The following SLC25A17 variants were observed in gnomAD, a reference collection of about 807,000 sequenced individuals.
The protein encoded by SLC25A17 is peroxisomal membrane protein PMP34.
Under a neutral mutation model 38.5 loss-of-function variants are expected in SLC25A17, and 26 were observed. The ratio of observed to expected loss-of-function variants is 0.68; its 90% confidence interval spans 0.50 to 0.94. The LOEUF (loss-of-function observed/expected upper bound fraction) is 0.94. Among genes scored for constraint, SLC25A17 ranks in the 40% least tolerant of loss-of-function variants. The pLI is 0.00. For synonymous variants in SLC25A17, 139 were observed against 136.2 expected (o/e 1.02, Z -0.14); for missense variants, 333 against 372.7 (o/e 0.89, Z 0.88).
chr22:40,798,660 T>TAAAAAAAAA (rs10640211), intron 2 of SLC25A17, among the ~76,000 whole-genome samples: 3 of 74,378 alleles, frequency 4.0e-5, no homozygotes, highest in East Asian at 4.6e-4. Context: ...CACACATACA[T>TAAAAAAAAA]AAAAAAAAAA....
chr22:40,804,870 G>T (rs997644440), intron 1 of SLC25A17, among the ~76,000 whole-genome samples: 2 of 152,190 alleles, frequency 1.3e-5, no homozygotes, highest in Non-Finnish European at 2.9e-5. Flanking sequence ...AGCACTTTGG[G>T]AGGTCAAGGC....
At chr22:40,772,920 T>C (rs1039951237) in intron 8 of SLC25A17, among the ~76,000 whole-genome samples, 1 of 152,186 alleles carries the variant, frequency 6.6e-6, no homozygotes, top group African/African-American at 2.4e-5. Flanking sequence ...ATTACAGGCA[T>C]GAGCCACTTT....
chr22:40,773,363 T>C (rs1204019390), intron 8 of SLC25A17, among the ~76,000 whole-genome samples: 2 of 130,342 alleles, frequency 1.5e-5, no homozygotes, highest in East Asian at 2.2e-4. Context: ...TGAGCGGAGA[T>C]AGCGCCACTG....
chr22:40,797,616 G>A lies in SLC25A17; in HGVS notation c.115+1407C>T, dbSNP rs542517626. 1.2e-4 allele frequency among the ~76,000 whole-genome samples: 18 copies of A among 152,304 alleles called. 1 individual carries two copies. The South Asian group carries it at 3.5e-3, about 30-fold the overall frequency. Reference sequence around the variant, plus strand: ...TAGATTAGAAAATGGCTAAGGCTATGACTCATCCAGGAATGACTCTCTGTT... The same window carrying A: ...TAGATTAGAAAATGGCTAAGGCTATAACTCATCCAGGAATGACTCTCTGTT... On this transcript the variant is annotated intron_variant, in intron 2 of 8. Transcript: ENST00000435456.
At chr22:40,817,084 A>G (rs1203957386) in intron 1 of SLC25A17, 4 of 152,186 alleles carry the variant, frequency 2.6e-5, no homozygotes, top group Non-Finnish European at 5.9e-5. Flanking sequence ...CCATCTTCTC[A>G]CTTTCTTCTC....
intron 1 of SLC25A17, among the ~76,000 whole-genome samples, chr22:40,817,531 C>T (rs1242126099): frequency 6.6e-6 from 1 of 152,198 alleles, no homozygotes; most frequent in East Asian, 1.9e-4. Flanking sequence ...TCCTTCACAG[C>T]CTCTGCCATC....
At chr22:40,818,497 C>T (rs1363478404) in intron 1 of SLC25A17, among the ~76,000 whole-genome samples, 2 of 152,004 alleles carry the variant, frequency 1.3e-5, no homozygotes, top group African/African-American at 2.4e-5. Flanking sequence ...TCGTTTGAGG[C>T]CAGGAATTCG....
intron 1 of SLC25A17, among the ~76,000 whole-genome samples, chr22:40,812,744 AC>A (rs376981546): frequency 2.0e-5 from 3 of 152,278 alleles, no homozygotes; most frequent in African/African-American, 7.2e-5. Flanking sequence ...ACGGTGGCTC[AC>A]ACCTGCAATC....
rs567412033 is a variant in SLC25A17 at position 40,809,041 on chromosome 22, G to A, written c.55-9958C>T. Among the ~76,000 whole-genome samples the A allele has an allele frequency of 8.0e-4, 122 of 151,844 alleles. 2 individuals carry two copies. In the South Asian group the frequency reaches 0.023, roughly 29 times the overall value. On this transcript the variant is annotated intron_variant, in intron 1 of 8. Transcript: ENST00000435456. ...ACATCAATGCCATTCATCTTATGACGTTTTGGAAAATATGGTTTAAAAAAT... is the reference window on the plus strand; with the variant it reads ...ACATCAATGCCATTCATCTTATGACATTTTGGAAAATATGGTTTAAAAAAT...
intron 2 of SLC25A17, 54 bp from the exon 3 acceptor site, chr22:40,794,634 TTTTGAGACAGAGTCTCA>T: frequency 8.5e-7 from 1 of 1,171,692 alleles, no homozygotes; most frequent in South Asian, 1.4e-5. Context: ...AAAATTTTTT[TTTTGAGACAGAGTCTCA>T]CTCTGTCGCC....
intron 1 of SLC25A17, among the ~76,000 whole-genome samples, chr22:40,812,645 G>A (rs895471987): frequency 6.6e-6 from 1 of 152,168 alleles, no homozygotes; most frequent in African/African-American, 2.4e-5. Flanking sequence ...ACGTGGCTGA[G>A]TCACAGCAGC....
intron 1 of SLC25A17, 148 bp downstream of exon 1, chr22:40,819,047 G>A: frequency 1.3e-6 from 1 of 790,264 alleles, no homozygotes; most frequent in Non-Finnish European, 2.0e-6. Context: ...TTCCGCCAAT[G>A]GCCCATTCCT....
chr22:40,804,000 T>C (rs2057507008), intron 1 of SLC25A17, among the ~76,000 whole-genome samples: 1 of 152,048 alleles, frequency 6.6e-6, no homozygotes, highest in Non-Finnish European at 1.5e-5. Context: ...TTAGAGAGTT[T>C]TGATGTGAAT....
rs141911985 is a variant in SLC25A17, at chr22:40,786,092, C to T, written c.334+6433G>A. ...TTGGGAGGCCAAGGCAGGCAGCTCA[C>T]TTGAAGTCAGGAGTTTGAGACCAGC... On this transcript the variant is annotated intron_variant, in intron 4 of 8. Transcript: ENST00000435456. Among the ~76,000 whole-genome samples the T allele has an allele frequency of 4.5e-3, 685 of 152,284 alleles. 5 individuals carry two copies. Among genetic ancestry groups the T allele is most frequent in the African/African-American group, 0.015 (614 of 41,558 alleles).
At chr22:40,786,917 A>G (rs997438081) in intron 4 of SLC25A17, among the ~76,000 whole-genome samples, 3 of 152,216 alleles carry the variant, frequency 2.0e-5, no homozygotes, top group African/African-American at 7.2e-5. Flanking sequence ...TCAACGTTTA[A>G]TAAGTACCTT....
At chr22:40,773,703 G>C (rs1276206833) in intron 8 of SLC25A17, among the ~76,000 whole-genome samples, 1 of 152,238 alleles carries the variant, frequency 6.6e-6, no homozygotes, top group East Asian at 1.9e-4. Flanking sequence ...AAGGAGTTCT[G>C]AATATTTGTA....
chr22:40,787,318 A>T (rs1184243613), intron 4 of SLC25A17, among the ~76,000 whole-genome samples: 1 of 152,172 alleles, frequency 6.6e-6, no homozygotes, highest in Non-Finnish European at 1.5e-5. Context: ...AAGTACACCC[A>T]TACCATAATG....
intron 1 of SLC25A17, among the ~76,000 whole-genome samples, chr22:40,814,753 G>GT (rs1383352369): frequency 1.9e-4 from 10 of 52,934 alleles, no homozygotes; most frequent in African/African-American, 1.1e-3. Context: ...AGTACGTGCA[G>GT]AATATATATA....
intron 4 of SLC25A17, among the ~76,000 whole-genome samples, chr22:40,787,481 G>A (rs2057349010): frequency 6.6e-6 from 1 of 152,176 alleles, no homozygotes; most frequent in Non-Finnish European, 1.5e-5. Flanking sequence ...GTGCTGTGGT[G>A]TCTGCAGTCA....
Sources: allele counts gnomAD v4.1 joint callset (sites outside exome capture counted in the v4.1 genomes callset), GRCh38; gene constraint gnomAD v4.1.1; transcripts MANE v1.5; gene names NCBI Gene and HGNC (gene_info 2026-07-23, HGNC 2026-07-21).